The following TXNRD2 variants were observed in gnomAD, a reference collection of about 807,000 sequenced individuals.
The protein encoded by TXNRD2 is thioredoxin reductase 2.
TXNRD2 carries 67 observed loss-of-function variants against 70.8 expected under a neutral mutation model. That is an observed-to-expected ratio of 0.95 (90% confidence interval 0.78 to 1.16). The LOEUF is 1.16. TXNRD2 is among the 50% of genes most tolerant of loss of function. The probability of loss-of-function intolerance (pLI) is 0.00; values close to 1 mark genes in which losing one functional copy is unlikely to be tolerated. For synonymous variants in TXNRD2, 301 were observed against 295.8 expected, an observed-to-expected ratio of 1.02 and a Z score of -0.18; for missense variants, 644 against 719.9, an observed-to-expected ratio of 0.89 and a Z score of 1.21.
At chr22:19,899,166 G>C in intron 8 of TXNRD2, 98 bp from the exon 9 acceptor site, 1 of 1,503,550 alleles carries the variant, frequency 6.7e-7, no homozygotes, top group Non-Finnish European at 9.1e-7. Flanking sequence ...CAGGCCCTTG[G>C]TCAGCTCGTG....
chr22:19,925,176 C>A (rs1003897834), intron 2 of TXNRD2, among the ~76,000 whole-genome samples: 3 of 151,724 alleles, frequency 2.0e-5, no homozygotes, highest in Non-Finnish European at 4.4e-5. Context: ...CCCAGCTACT[C>A]AGGAGGCTGA....
intron 8 of TXNRD2, among the ~76,000 whole-genome samples, chr22:19,901,989 G>A (rs1001631051): frequency 3.9e-5 from 6 of 152,142 alleles, no homozygotes; most frequent in South Asian, 2.1e-4. Context: ...GCTTGAGCCC[G>A]GGAGTTCAAG....
At chr22:19,914,639 G>A (rs1940553747) in intron 7 of TXNRD2, among the ~76,000 whole-genome samples, 1 of 152,156 alleles carries the variant, frequency 6.6e-6, no homozygotes, top group Admixed American at 6.5e-5. Flanking sequence ...TCTAGGGGCT[G>A]GGGGAGGAGG....
Position 19,915,333 on chromosome 22 carries a change from G to A in TXNRD2, c.529-57C>T, listed in dbSNP as rs149141092. On this transcript the variant is annotated intron_variant, in intron 6 of 17. Transcript: ENST00000400521. ...ACAGGTGCATGGTGATCACCCCACC[G>A]GAGGGCCTGAGCACCACAGACCTTG... 2.8e-4 allele frequency: 441 copies of A among 1,566,126 alleles called. 1 individual carries two copies. In the African/African-American group the frequency reaches 5.3e-3, roughly 19 times the overall value.
At chr22:19,883,827 C>T in intron 11 of TXNRD2, 1 of 289,402 alleles carries the variant, frequency 3.5e-6, no homozygotes, top group Non-Finnish European at 6.8e-6. Flanking sequence ...GTGGTGCACA[C>T]CTATAGTCCC....
intron 1 of TXNRD2, among the ~76,000 whole-genome samples, chr22:19,935,789 G>A (rs1057330691): frequency 1.5e-4 from 23 of 151,614 alleles, no homozygotes; most frequent in Admixed American, 1.1e-3. Flanking sequence ...GGCGCCCAAC[G>A]TGGTTTTCTT....
chr22:19,875,629 A>C lies in TXNRD2; in HGVS notation c.*244T>G, dbSNP rs929269636. On this transcript the variant is annotated 3_prime_UTR_variant, in exon 18 of 18. Transcript: ENST00000400521. ...CAGGTCGTCATCATCTGGCACCAGG[A>C]GCCTGGGGGGGGGTGCCCGGCGGCA... 2 of 131,678 alleles carry C rather than the reference A, an allele frequency of 1.5e-5. No homozygotes were observed. Among genetic ancestry groups the C allele is most frequent in the African/African-American group, 4.1e-5 (1 of 24,604 alleles). 8.2% of individuals were successfully genotyped at this position (131,678 alleles called of 1,614,324 possible).
intron 3 of TXNRD2, 152 bp from the exon 4 acceptor site, chr22:19,919,156 T>C (rs1940778793): frequency 1.7e-6 from 1 of 598,646 alleles, no homozygotes; most frequent in Non-Finnish European, 2.8e-6. Flanking sequence ...TCTATAACTG[T>C]ACTCGAAAAT....
intron 4 of TXNRD2, 27 bp downstream of exon 4, chr22:19,918,833 T>C: frequency 6.2e-7 from 1 of 1,602,784 alleles, no homozygotes; most frequent in Non-Finnish European, 8.5e-7. Context: ...AGAAAAGCAC[T>C]GGAATGCCAC....
At chr22:19,933,896 GT>G (rs1377802519) in intron 1 of TXNRD2, among the ~76,000 whole-genome samples, 1 of 152,240 alleles carries the variant, frequency 6.6e-6, no homozygotes, top group Non-Finnish European at 1.5e-5. Context: ...GCCCCAGCAA[GT>G]GTCTGTCTTG....
At chr22:19,921,494 T>C (rs996669479) in intron 2 of TXNRD2, among the ~76,000 whole-genome samples, 68 of 151,490 alleles carry the variant, frequency 4.5e-4, no homozygotes, top group African/African-American at 1.6e-3. Context: ...GGCCCAGATT[T>C]ACCCTCCCCC....
At chr22:19,885,641 G>A (rs1453933096) in intron 11 of TXNRD2, among the ~76,000 whole-genome samples, 2 of 152,196 alleles carry the variant, frequency 1.3e-5, no homozygotes, top group African/African-American at 2.4e-5. Context: ...GGGGGCTCAC[G>A]CTCAGCCGTC....
At chr22:19,925,977 A>C (rs1941124586) in intron 2 of TXNRD2, among the ~76,000 whole-genome samples, 1 of 150,178 alleles carries the variant, frequency 6.7e-6, no homozygotes, top group African/African-American at 2.5e-5. Context: ...GACCAGCCTC[A>C]ACATGGAGAA....
chr22:19,886,808 T>C (rs540782015), intron 11 of TXNRD2, among the ~76,000 whole-genome samples: 1 of 152,344 alleles, frequency 6.6e-6, no homozygotes, highest in East Asian at 1.9e-4. Flanking sequence ...ATTTGCCAAG[T>C]GCTGCTGAAT....
chr22:19,888,683 G>C (rs73383847), intron 11 of TXNRD2, among the ~76,000 whole-genome samples: 2 of 152,018 alleles, frequency 1.3e-5, no homozygotes, highest in African/African-American at 2.4e-5. Flanking sequence ...GATGCGAGGC[G>C]GGCACGGCTT....
intron 10 of TXNRD2, among the ~76,000 whole-genome samples, chr22:19,897,553 G>C (rs1175332276): frequency 2.0e-5 from 3 of 152,170 alleles, no homozygotes; most frequent in Non-Finnish European, 2.9e-5. Context: ...CAGCGCACCT[G>C]TCCAGAAGCC....
intron 2 of TXNRD2, among the ~76,000 whole-genome samples, chr22:19,923,844 CTTTTTT>C (rs34120716): frequency 1.3e-5 from 1 of 78,120 alleles, no homozygotes; most frequent in Admixed American, 1.7e-4. Context: ...ACCCCTGAGG[CTTTTTT>C]TTTTTTTTTT....
intron 11 of TXNRD2, among the ~76,000 whole-genome samples, chr22:19,890,026 G>A (rs1157517079): frequency 2.0e-5 from 3 of 152,154 alleles, no homozygotes; most frequent in Non-Finnish European, 4.4e-5. Context: ...TCAGATAGCT[G>A]TGGGCTCTGG....
At chr22:19,924,673 C>T (rs901774395) in intron 2 of TXNRD2, among the ~76,000 whole-genome samples, 5 of 152,130 alleles carry the variant, frequency 3.3e-5, no homozygotes, top group African/African-American at 1.2e-4. Flanking sequence ...TCAGATGTTG[C>T]AGAATCTTTT....
Sources: allele counts gnomAD v4.1 joint callset (sites outside exome capture counted in the v4.1 genomes callset), GRCh38; gene constraint gnomAD v4.1.1; transcripts MANE v1.5; gene names NCBI Gene and HGNC (gene_info 2026-07-23, HGNC 2026-07-21).